Variants in TUSC3 observed in about 807,000 individuals in gnomAD.
TUSC3 encodes the protein dolichyl-diphosphooligosaccharide--protein glycosyltransferase subunit TUSC3.
In TUSC3, 45 loss-of-function variants were observed where a neutral mutation model predicts 44.8. The ratio of observed to expected loss-of-function variants is 1.00; its 90% CI spans 0.79 to 1.29. The LOEUF is 1.29. Ranked by LOEUF, TUSC3 falls within the 50% of genes most tolerant of loss-of-function variation. The pLI is 0.00. For synonymous variants in TUSC3, 212 were observed against 152.9 expected, an observed-to-expected ratio of 1.39 and a Z score of -2.85; for missense variants, 519 against 437.9, an observed-to-expected ratio of 1.19 and a Z score of -1.65.
chr8:15,488,745 A>T (rs1040584645), intron 2 of TUSC3, among the ~76,000 whole-genome samples: 9 of 152,196 alleles, frequency 5.9e-5, no homozygotes, highest in Non-Finnish European at 1.3e-4. Context: ...AAGAAAGTGC[A>T]GACTGTAAGC....
At chr8:15,693,306 C>G (rs765281746) in intron 6 of TUSC3, among the ~76,000 whole-genome samples, 7 of 152,016 alleles carry the variant, frequency 4.6e-5, no homozygotes, top group Non-Finnish European at 7.4e-5. Context: ...TCTTTTCTTT[C>G]CACATTTAGT....
intron 1 of TUSC3, among the ~76,000 whole-genome samples, chr8:15,576,102 A>G (rs952590313): frequency 6.6e-6 from 1 of 151,712 alleles, no homozygotes; most frequent in Non-Finnish European, 1.5e-5. Context: ...AATTTTTCTA[A>G]TTAATGATCT....
Position 15,673,459 on chromosome 8 carries a change from C to A in TUSC3, c.709-288C>A, listed in dbSNP as rs139940295. On this transcript the variant is annotated intron_variant, in intron 5 of 10. Transcript: ENST00000503731. ...ACTGGCTCAGGTGAGCACATAGTAT[C>A]AGATTGCCTGTCACCAGGCCAGATG... 3.6e-3 allele frequency among the ~76,000 whole-genome samples: 552 copies of A among 152,164 alleles called. 6 individuals carry two copies. The highest frequency in any genetic ancestry group is 0.036 in the South Asian group (172 of 4,820).
chr8:15,751,832 C>T (rs984737621), intron 9 of TUSC3, among the ~76,000 whole-genome samples: 1 of 152,132 alleles, frequency 6.6e-6, no homozygotes, highest in Non-Finnish European at 1.5e-5. Flanking sequence ...CTACACCATG[C>T]ACAGCTGAGT....
At chr8:15,428,796 T>G (rs1435313297) in intron 1 of TUSC3, among the ~76,000 whole-genome samples, 1 of 152,262 alleles carries the variant, frequency 6.6e-6, no homozygotes, top group Admixed American at 6.5e-5. Context: ...TCATATCCTT[T>G]GCCCACTTTT....
chr8:15,540,437 G>A lies in TUSC3; in HGVS notation c.7G>A (p.Ala3Thr). 1.3e-6 allele frequency: 2 copies of A among 1,592,834 alleles called. No homozygotes were observed. Among genetic ancestry groups the A allele is most frequent in the Middle Eastern group, 1.8e-4 (1 of 5,512 alleles). MG[A>T]RGAPSRRRQA... is the part of the protein sequence containing the mutation. ...GAGACACTGCCCTGCCGCGATGGGG[G>A]CCCGGGGCGCTCCTTCACGCCGTAG... The change falls in exon 1 of 11, where the codon GCC becomes ACC. Residue 3 changes from alanine to threonine, a missense_variant. Physicochemically the swap from Ala to Thr is moderately conservative, Grantham distance 58. Transcript: ENST00000503731.
intron 2 of TUSC3, among the ~76,000 whole-genome samples, chr8:15,507,546 T>G (rs1418643614): frequency 6.6e-6 from 1 of 152,178 alleles, no homozygotes; most frequent in East Asian, 1.9e-4. Context: ...TCTCTCCCTT[T>G]TTTGAGTTTT....
intron 6 of TUSC3, among the ~76,000 whole-genome samples, chr8:15,727,781 A>T (rs1471469963): frequency 5.6e-4 from 86 of 152,224 alleles, no homozygotes; most frequent in Admixed American, 5.6e-3. Context: ...GTTGAAGTGG[A>T]AACTATGAAA....
At chr8:15,549,862 A>G (rs938986698) in intron 1 of TUSC3, among the ~76,000 whole-genome samples, 4 of 151,634 alleles carry the variant, frequency 2.6e-5, no homozygotes, top group South Asian at 2.1e-4. Context: ...GCCGCAGACA[A>G]GAACCCCTCA....
chr8:15,497,982 A>G (rs1800906437), intron 2 of TUSC3, among the ~76,000 whole-genome samples: 1 of 152,068 alleles, frequency 6.6e-6, no homozygotes, highest in African/African-American at 2.4e-5. Flanking sequence ...CTCCTGACCT[A>G]AAATGATCCG....
intron 1 of TUSC3, among the ~76,000 whole-genome samples, chr8:15,569,233 C>T (rs887943370): frequency 6.6e-6 from 1 of 152,144 alleles, no homozygotes; most frequent in East Asian, 1.9e-4. Context: ...AGATAAGCTA[C>T]TAAATTCTTT....
intron 1 of TUSC3, among the ~76,000 whole-genome samples, chr8:15,555,171 C>T (rs1182681722): frequency 3.1e-5 from 3 of 97,086 alleles, no homozygotes; most frequent in Non-Finnish European, 5.6e-5. Context: ...TTGGGGGGGA[C>T]GAGATCTTAC....
chr8:15,827,534 A>C, the TUSC3 span, among the ~76,000 whole-genome samples: 1 of 152,196 alleles, frequency 6.6e-6, no homozygotes, highest in South Asian at 2.1e-4. Context: ...ATGGAAGTAA[A>C]AATGGCTTCA....
intron 7 of TUSC3, 22 bp from the exon 8 acceptor site, chr8:15,743,516 G>A (rs1265770855): frequency 1.2e-6 from 2 of 1,613,004 alleles, no homozygotes; most frequent in Admixed American, 3.3e-5. Flanking sequence ...TATGTCTACG[G>A]CTTCCTTGAC....
At chr8:15,473,817 G>T (rs1027279162) in intron 1 of TUSC3, among the ~76,000 whole-genome samples, 2 of 152,160 alleles carry the variant, frequency 1.3e-5, no homozygotes, top group Non-Finnish European at 1.5e-5. Flanking sequence ...CTACTGATAA[G>T]GGTCTGTGTT....
the TUSC3 span, among the ~76,000 whole-genome samples, chr8:15,819,153 A>G: frequency 6.6e-6 from 1 of 152,246 alleles, no homozygotes; most frequent in East Asian, 1.9e-4. Context: ...CGAGTCATAG[A>G]TGGTTTTCTG....
intron 2 of TUSC3, among the ~76,000 whole-genome samples, 154 bp from the exon 3 acceptor site, chr8:15,650,543 C>CT (rs968206789): frequency 3.9e-5 from 6 of 151,998 alleles, no homozygotes; most frequent in South Asian, 4.2e-4. Context: ...TCAGAGAATC[C>CT]TTTTTTTAAA....
chr8:15,754,823 G>T (rs1333957951), intron 9 of TUSC3, among the ~76,000 whole-genome samples: 9 of 151,792 alleles, frequency 5.9e-5, no homozygotes, highest in Admixed American at 5.9e-4. Context: ...TCACAATTTT[G>T]AATTTTATTT....
chr8:15,542,467 A>G (rs560840653), intron 1 of TUSC3, among the ~76,000 whole-genome samples: 61 of 151,932 alleles, frequency 4.0e-4, no homozygotes, highest in Non-Finnish European at 7.9e-4. Context: ...GTGGTTTTTC[A>G]GGTTAGCTTT....
Sources: gnomAD v4.1 joint callset for allele counts (sites outside exome capture counted in the v4.1 genomes callset) on GRCh38, gnomAD v4.1.1 for gene constraint, MANE v1.5 for transcripts, NCBI Gene and HGNC (gene_info 2026-07-23, HGNC 2026-07-21) for gene names.